BRWD1: variants seen among roughly 807,000 people sequenced by gnomAD.
BRWD1 encodes bromodomain and WD repeat-containing protein 1.
In BRWD1, 82 loss-of-function variants were observed where a neutral mutation model predicts 251.2. The ratio of observed to expected loss-of-function variants is 0.33; its 90% CI spans 0.27 to 0.39. The LOEUF (loss-of-function observed/expected upper bound fraction) is 0.39, where lower values mean the gene tolerates loss of function less well. Among genes scored for constraint, BRWD1 ranks in the 10% least tolerant of loss-of-function variants. BRWD1 has a pLI of 1.00. For missense variants in BRWD1, 2,233 were observed against 2,711.6 expected, an observed-to-expected ratio of 0.82 and a Z score of 3.92; for synonymous variants, 918 against 902.8, an observed-to-expected ratio of 1.02 and a Z score of -0.30.
chr21:39,255,700 G>C lies in BRWD1; in HGVS notation c.2200C>G (p.Leu734Val). Reference sequence around the variant, plus strand: ...ACCACTCTTCGTTTCCAAGCCTGCAGGTCACGTTCTGTAGCAATCTGACTG... The same window carrying C: ...ACCACTCTTCGTTTCCAAGCCTGCACGTCACGTTCTGTAGCAATCTGACTG... ...PRSQIATERD[L>V]QAWKRRVVVP... Residue 734 changes from leucine (L) to valine (V), a missense_variant, in exon 19 of 41, where the codon CTG becomes GTG. Physicochemically the swap from Leu to Val is conservative, Grantham distance 32. Around this residue, in one of 12 missense-constraint regions of BRWD1, gnomAD observed 35 missense variants for 76.3 expected, o/e 0.46. Transcript: ENST00000342449. The C allele has an allele frequency of 6.2e-7, 1 of 1,614,164 alleles. No individual in the cohort carries two copies. The highest frequency in any genetic ancestry group is 8.5e-7 in the Non-Finnish European group (1 of 1,180,034).
At position 39,191,900 on chromosome 21, in the gene BRWD1, T is replaced by C. The variant is rs568357701; in HGVS notation, c.*4359A>G. On this transcript the variant is annotated 3_prime_UTR_variant, in exon 41 of 41. Coordinates refer to ENST00000342449, the MANE Select transcript of BRWD1 (RefSeq NM_033656.4). ...TAAAATATGACCAGAAAGTATACCA[T>C]AGCATTGATAATTAAATTCAAACTA... 2.0e-5 allele frequency: 20 copies of C among 982,506 alleles called. No individual in the cohort carries two copies. Among genetic ancestry groups the C allele is most frequent in the South Asian group, 4.7e-5 (1 of 21,218 alleles). The allele number at this position is 982,506 out of a possible 1,614,324, so 60.9% of individuals were successfully genotyped here.
intron 13 of BRWD1, among the ~76,000 whole-genome samples, chr21:39,271,889 A>C (rs1480767204): frequency 2.0e-5 from 3 of 150,482 alleles, no homozygotes; most frequent in Non-Finnish European, 4.4e-5. Context: ...AAATACAAAA[A>C]TTAGCTGGGC....
intron 10 of BRWD1, among the ~76,000 whole-genome samples, chr21:39,278,068 C>A (rs759994192): frequency 1.3e-5 from 2 of 151,942 alleles, no homozygotes; most frequent in African/African-American, 4.8e-5. Flanking sequence ...GGGCTGGGCT[C>A]GAATTCCTGG....
intron 13 of BRWD1, among the ~76,000 whole-genome samples, chr21:39,270,773 G>A (rs2035072795): frequency 6.6e-6 from 1 of 152,128 alleles, no homozygotes; most frequent in South Asian, 2.1e-4. Context: ...ACTTTCAACT[G>A]TTTCTCTCCA....
chr21:39,247,738 A>G lies in BRWD1; in HGVS notation c.2444T>C (p.Leu815Ser), dbSNP rs1319260648. 13 of 1,613,460 alleles carry G rather than the reference A, an allele frequency of 8.1e-6. No individual in the cohort carries two copies. Among genetic ancestry groups the G allele is most frequent in the Non-Finnish European group, 1.1e-5 (13 of 1,179,828 alleles). Residue 815 changes from leucine to serine, a missense_variant, in exon 21 of 41, where the codon TTA (leucine) becomes TCA (serine). Leu to Ser is a moderately radical substitution (Grantham distance 145). Coordinates refer to ENST00000342449, the MANE Select transcript of BRWD1 (RefSeq NM_033656.4). ...GCTTGAAGACTCATTTCCAGAAGAT[A>G]ACTCACGCCAGCTACGATTTCTTCT... ...YGRRNRSWRE[L>S]SSGNESSSSV... is the part of the protein sequence containing the mutation.
chr21:39,211,872 A>C (rs1003254323), intron 34 of BRWD1, among the ~76,000 whole-genome samples: 3 of 152,192 alleles, frequency 2.0e-5, no homozygotes, highest in Non-Finnish European at 1.5e-5. Context: ...AGGAAATTTA[A>C]AATGATCTGG....
rs867201054 is a variant in BRWD1, at chr21:39,310,421, C to A, written c.198+2420G>T. 5.3e-5 allele frequency among the ~76,000 whole-genome samples: 8 copies of A among 151,908 alleles called. No homozygotes were observed. The Middle Eastern group carries it at 0.01, about 194-fold the overall frequency. ...TGGGACACAGAGGCAGGCAGATCACCTGAAGTCAGGAGTTCGAGACCAGCC... is the reference window on the plus strand; with the variant it reads ...TGGGACACAGAGGCAGGCAGATCACATGAAGTCAGGAGTTCGAGACCAGCC... On this transcript the variant is annotated intron_variant, in intron 4 of 40. Coordinates refer to ENST00000342449, the MANE Select transcript of BRWD1 (RefSeq NM_033656.4).
chr21:39,275,244 GAC>G (rs1168976807), intron 12 of BRWD1, among the ~76,000 whole-genome samples: 1 of 152,080 alleles, frequency 6.6e-6, no homozygotes, highest in Non-Finnish European at 1.5e-5. Context: ...AAAGGGACCT[GAC>G]ACACAATGGA....
At chr21:39,218,346 CA>C in intron 30 of BRWD1, 74 bp from the exon 31 acceptor site, 1 of 1,512,016 alleles carries the variant, frequency 6.6e-7, no homozygotes, top group Non-Finnish European at 8.9e-7. Context: ...AGAAATCATT[CA>C]TAAGATATGG....
chr21:39,188,514 A>C lies in BRWD1; in HGVS notation c.*7745T>G. ...ATTATTCTGTAGCAATGAAACCACC[A>C]ATGCCAACCTTCTGAACTTTTTCTT... On this transcript the variant is annotated 3_prime_UTR_variant, in exon 41 of 41. Coordinates refer to ENST00000342449, the MANE Select transcript of BRWD1 (RefSeq NM_033656.4). 2.0e-6 allele frequency: 2 copies of C among 985,380 alleles called. No individual in the cohort carries two copies. The highest frequency in any genetic ancestry group is 2.4e-6 in the Non-Finnish European group (2 of 829,888). 61.0% of individuals were successfully genotyped at this position (985,380 alleles called of 1,614,324 possible). A position where few individuals can be genotyped will look rare whatever the true frequency, so the allele number is the denominator to read the frequency against.
intron 21 of BRWD1, among the ~76,000 whole-genome samples, chr21:39,242,572 G>C (rs904347218): frequency 1.3e-5 from 2 of 152,206 alleles, no homozygotes; most frequent in Non-Finnish European, 2.9e-5. Context: ...TACAATAACA[G>C]ATTTTAAATG....
At position 39,248,641 on chromosome 21, in the gene BRWD1, C is replaced by CAAAAAAAAAA. The variant is rs375430016; in HGVS notation, c.2350-819_2350-810dup. ...TGGGCAAGAGTGAGACCCTATCTCC[C>CAAAAAAAAAA]AAAAAAAAAAAAAAAAAAAAAAAAA... On this transcript the variant is annotated intron_variant, in intron 20 of 40. Coordinates refer to ENST00000342449, the MANE Select transcript of BRWD1 (RefSeq NM_033656.4). 1.6e-4 allele frequency among the ~76,000 whole-genome samples: 13 copies of CAAAAAAAAAA among 83,296 alleles called. 1 individual carries two copies. The highest frequency in any genetic ancestry group is 1.2e-3 in the East Asian group (3 of 2,498). 54.6% of individuals were successfully genotyped at this position (83,296 alleles called of 152,430 possible). A position where few individuals can be genotyped will look rare whatever the true frequency, so the allele number is the denominator to read the frequency against.
At chr21:39,296,023 AC>A (rs938208944) in intron 6 of BRWD1, 120 bp from the exon 7 acceptor site, 30 of 844,490 alleles carry the variant, frequency 3.6e-5, no homozygotes, top group Non-Finnish European at 4.9e-5. Flanking sequence ...CCCTAATGAC[AC>A]AATTTCTTCC....
chr21:39,274,648 G>C (rs531608156), intron 12 of BRWD1, among the ~76,000 whole-genome samples, 176 bp from the exon 13 acceptor site: 2 of 152,268 alleles, frequency 1.3e-5, no homozygotes, highest in South Asian at 2.1e-4. Flanking sequence ...AAAAAAATTT[G>C]GTTTGCTATG....
Position 39,197,270 on chromosome 21 carries a change from A to G in BRWD1, c.5799T>C (p.Ala1933=), listed in dbSNP as rs2031871347. 1 of 1,614,108 alleles carries G rather than the reference A, an allele frequency of 6.2e-7. No individual in the cohort carries two copies. The highest frequency in any genetic ancestry group is 8.5e-7 in the Non-Finnish European group (1 of 1,179,966). The change falls in exon 41 of 41, where the codon GCT becomes GCC. Residue 1933 remains alanine, a synonymous_variant. Transcript: ENST00000342449. ...TGAGCTTGATCTTATTGGCAGCCGTAGCTGCACATCTTCGAGTAATCCTCA... is the reference window on the plus strand; with the variant it reads ...TGAGCTTGATCTTATTGGCAGCCGTGGCTGCACATCTTCGAGTAATCCTCA... ...GLLRITRRCA[A]TAANKIKLMS...
intron 17 of BRWD1, 60 bp from the exon 18 acceptor site, chr21:39,258,732 G>C (rs983646212): frequency 8.0e-7 from 1 of 1,249,218 alleles, no homozygotes; most frequent in Non-Finnish European, 1.1e-6. Context: ...AAAAAATTTC[G>C]TTAGGGTACA....
Position 39,196,322 on chromosome 21 carries a change from G to T in BRWD1, c.6747C>A (p.Tyr2249Ter). Reference sequence around the variant, plus strand: ...AACTTCTGTCATCATCCCCATCATGGTATCTCACAGTCCTTCTACCCTGAT... The same window carrying T: ...AACTTCTGTCATCATCCCCATCATGTTATCTCACAGTCCTTCTACCCTGAT... ...TRNQGRRTVR[Y>*]HDGDDDRSLE... Residue 2249 changes from tyrosine to a stop codon, truncating the protein, a stop_gained, in exon 41 of 41, where the codon TAC (tyrosine) becomes TAA (stop). Transcript: ENST00000342449. LOFTEE classifies it high-confidence loss of function. 1 of 1,612,378 alleles carries T rather than the reference G, an allele frequency of 6.2e-7. No homozygotes were observed. Among genetic ancestry groups the T allele is most frequent in the Non-Finnish European group, 8.5e-7 (1 of 1,179,300 alleles).
chr21:39,240,900 CT>C (rs71184666), intron 21 of BRWD1, among the ~76,000 whole-genome samples: 67 of 148,018 alleles, frequency 4.5e-4, no homozygotes, highest in Non-Finnish European at 6.7e-4. Context: ...GTAAGTAAAT[CT>C]TTTTTTTTTT....
chr21:39,215,370 A>G lies in BRWD1; in HGVS notation c.3660-8T>C, dbSNP rs1568875417. 7 of 1,611,660 alleles carry G rather than the reference A, an allele frequency of 4.3e-6. No individual in the cohort carries two copies. Among genetic ancestry groups the G allele is most frequent in the Non-Finnish European group, 5.9e-6 (7 of 1,178,768 alleles). On this transcript the variant is annotated splice_polypyrimidine_tract_variant and splice_region_variant and intron_variant, in intron 31 of 40. Transcript: ENST00000342449. Reference sequence around the variant, plus strand: ...ACTAACGCAGACAGCCTCCTTCAAAATAAAGTAGACAATTTAGGGCTTAGA... The same window carrying G: ...ACTAACGCAGACAGCCTCCTTCAAAGTAAAGTAGACAATTTAGGGCTTAGA...
Sources: allele counts gnomAD v4.1 joint callset (sites outside exome capture counted in the v4.1 genomes callset), GRCh38; gene constraint gnomAD v4.1.1; regional missense constraint gnomAD v4.1.1; transcripts MANE v1.5; gene names NCBI Gene and HGNC (gene_info 2026-07-23, HGNC 2026-07-21).